The following COL5A2 variants were observed in gnomAD, a reference collection of about 807,000 sequenced individuals.
COL5A2 encodes the protein collagen alpha-2(V) chain.
In COL5A2, 23 loss-of-function variants were observed where a neutral mutation model predicts 208.2. That is an observed-to-expected ratio of 0.11 (90% confidence interval 0.08 to 0.16). The LOEUF (loss-of-function observed/expected upper bound fraction) is 0.16. Ranked by LOEUF, COL5A2 falls within the 10% of genes least tolerant of loss-of-function variation. The pLI is 1.00. For missense variants in COL5A2, 1,590 were observed against 1,956.4 expected (o/e 0.81, Z 3.53); for synonymous variants, 625 against 628.5 (o/e 0.99, Z 0.08).
At chr2:189,316,489 C>A in the COL5A2 span, among the ~76,000 whole-genome samples, 1 of 151,492 alleles carries the variant, frequency 6.6e-6, no homozygotes. Context: ...ATCTGCATGT[C>A]CTGAAGGAAA....
At chr2:189,147,718 T>G (rs911479940) in intron 1 of COL5A2, among the ~76,000 whole-genome samples, 1 of 152,082 alleles carries the variant, frequency 6.6e-6, no homozygotes, top group East Asian at 1.9e-4. Flanking sequence ...CTATAACGTC[T>G]CTAGAAAAAA....
At chr2:189,331,653 G>A in the COL5A2 span, among the ~76,000 whole-genome samples, 39 of 152,140 alleles carry the variant, frequency 2.6e-4, no homozygotes, top group Non-Finnish European at 4.1e-4. Flanking sequence ...CAGCCATGTG[G>A]AACTATAAGT....
At chr2:189,080,762 T>A (rs1686515729) in intron 13 of COL5A2, among the ~76,000 whole-genome samples, 1 of 152,176 alleles carries the variant, frequency 6.6e-6, no homozygotes, top group Admixed American at 6.6e-5. Flanking sequence ...TGTAGCATAG[T>A]GTCCAGTACA....
At chr2:189,093,519 T>G (rs1686833507) in intron 6 of COL5A2, among the ~76,000 whole-genome samples, 1 of 152,098 alleles carries the variant, frequency 6.6e-6, no homozygotes, top group Admixed American at 6.6e-5. Context: ...ATGATGGTTT[T>G]GGGGAGGGTG....
At chr2:189,193,132 G>C (rs949422044) in intron 1 of COL5A2, among the ~76,000 whole-genome samples, 1 of 152,178 alleles carries the variant, frequency 6.6e-6, no homozygotes, top group Non-Finnish European at 1.5e-5. Flanking sequence ...ATAAATTTCT[G>C]TTCATTATAA....
At chr2:189,167,128 A>G (rs958682713) in intron 1 of COL5A2, among the ~76,000 whole-genome samples, 2 of 152,192 alleles carry the variant, frequency 1.3e-5, no homozygotes, top group African/African-American at 2.4e-5. Flanking sequence ...AGGTATTCAA[A>G]ATTTTTTTCT....
the COL5A2 span, among the ~76,000 whole-genome samples, chr2:189,348,781 C>T: frequency 6.6e-6 from 1 of 152,120 alleles, no homozygotes; most frequent in Non-Finnish European, 1.5e-5. Flanking sequence ...TTGGCAGGGT[C>T]TGCTGTGGAC....
chr2:189,268,338 A>T, the COL5A2 span, among the ~76,000 whole-genome samples: 3 of 152,276 alleles, frequency 2.0e-5, no homozygotes, highest in Admixed American at 6.5e-5. Context: ...AATTGTCAGT[A>T]GTTCCAGCAC....
intron 1 of COL5A2, among the ~76,000 whole-genome samples, chr2:189,188,063 C>A (rs1231939385): frequency 6.6e-6 from 1 of 152,038 alleles, no homozygotes; most frequent in African/African-American, 2.4e-5. Context: ...GTTCCACTCA[C>A]CCTCTCATTC....
intron 36 of COL5A2, 100 bp from the exon 37 acceptor site, chr2:189,054,048 T>C: frequency 2.1e-6 from 3 of 1,426,552 alleles, no homozygotes; most frequent in Non-Finnish European, 3.0e-6. Context: ...AAAAGAACTC[T>C]GAAATGATCT....
intron 44 of COL5A2, among the ~76,000 whole-genome samples, 168 bp from the exon 45 acceptor site, chr2:189,048,430 T>C (rs990673386): frequency 6.6e-6 from 1 of 152,254 alleles, no homozygotes; most frequent in Admixed American, 6.5e-5. Flanking sequence ...TTTCATTATT[T>C]TGAATTACTG....
At chr2:189,309,188 T>A in the COL5A2 span, among the ~76,000 whole-genome samples, 46 of 152,292 alleles carry the variant, frequency 3.0e-4, no homozygotes, top group East Asian at 6.0e-3. Flanking sequence ...ATTGTTACAC[T>A]GTTTCTCTAA....
At position 189,046,699 on chromosome 2, in the gene COL5A2, C is replaced by CA. The variant is rs899646917; in HGVS notation, c.3202-793dup. On this transcript the variant is annotated intron_variant, in intron 45 of 53. Transcript: ENST00000374866. ...AATTGAGTCAGACTGTATTTTCTGA[C>CA]AAAAAATTGTCTTATTTGACTGATA... is the stretch of plus-strand genomic sequence containing the variant. Among the ~76,000 whole-genome samples the CA allele has an allele frequency of 5.3e-5, 8 of 150,414 alleles. No homozygotes were observed. In the East Asian group the frequency reaches 5.9e-4, roughly 11 times the overall value.
At chr2:189,376,911 C>T in the COL5A2 span, among the ~76,000 whole-genome samples, 2 of 151,982 alleles carry the variant, frequency 1.3e-5, no homozygotes, top group Non-Finnish European at 2.9e-5. Flanking sequence ...GAAAAAAATG[C>T]TGAATTTTTA....
the COL5A2 span, among the ~76,000 whole-genome samples, chr2:189,278,698 C>G: frequency 6.6e-6 from 1 of 151,640 alleles, no homozygotes; most frequent in Non-Finnish European, 1.5e-5. Flanking sequence ...TTCTTCTTTT[C>G]TTTTTTCTCT....
chr2:189,132,686 C>T (rs912800133), intron 1 of COL5A2, among the ~76,000 whole-genome samples: 4 of 152,026 alleles, frequency 2.6e-5, no homozygotes, highest in Admixed American at 6.6e-5. Context: ...TTTGGAAAGC[C>T]GAGGTGGGTG....
chr2:189,190,738 C>T (rs561187095), intron 1 of COL5A2, among the ~76,000 whole-genome samples: 1 of 152,280 alleles, frequency 6.6e-6, no homozygotes, highest in Non-Finnish European at 1.5e-5. Context: ...GTCATCACAC[C>T]CTTGTTTCAA....
chr2:189,135,054 T>C (rs193005804), intron 1 of COL5A2, among the ~76,000 whole-genome samples: 14 of 152,328 alleles, frequency 9.2e-5, no homozygotes, highest in Admixed American at 6.5e-4. Context: ...ACATATAACA[T>C]ATGTAATAAA....
the COL5A2 span, among the ~76,000 whole-genome samples, chr2:189,411,908 C>T: frequency 2.1e-3 from 313 of 152,212 alleles, 1 homozygote; most frequent in African/African-American, 7.3e-3. Flanking sequence ...TTGCTACATA[C>T]TAATGGGGTC....
Sources: gnomAD v4.1 joint callset for allele counts (sites outside exome capture counted in the v4.1 genomes callset) on GRCh38, gnomAD v4.1.1 for gene constraint, MANE v1.5 for transcripts, NCBI Gene and HGNC (gene_info 2026-07-23, HGNC 2026-07-21) for gene names.